LINC00632: variants seen among roughly 807,000 people sequenced by gnomAD.
LINC00632 encodes long independently transcribed non-coding RNA 632.
In LINC00632 at chrX:140,742,684, G is replaced by A. The variant is rs149330296; in HGVS notation, n.191+8720G>A. Among the ~76,000 whole-genome samples, 10 of 110,421 alleles carry A rather than the reference G, an allele frequency of 9.1e-5. No individual in the cohort carries two copies. The East Asian group carries it at 2.3e-3, about 25-fold the overall frequency. On this transcript the variant is annotated intron_variant and non_coding_transcript_variant, in intron 3 of 4. Transcript: ENST00000648200. ...GCAGTGATTCTATATCCTGAGATTT[G>A]TTCATATTCATGTAGGCAGAAAATT...
chrX:140,781,614 C>G (rs1043980152), exon 5 of LINC00632, among the ~76,000 whole-genome samples: 3 of 111,471 alleles, frequency 2.7e-5, no homozygotes, highest in Non-Finnish European at 5.7e-5. Context: ...ATTTTCTCTG[C>G]TTGTTCTCTA....
At chrX:140,732,348 C>T (rs1166798887) in intron 2 of LINC00632, among the ~76,000 whole-genome samples, 1 of 111,919 alleles carries the variant, frequency 8.9e-6, no homozygotes, top group East Asian at 2.8e-4. Context: ...CACAGAAATA[C>T]CGAAGCAGAC....
At chrX:140,777,809 C>T (rs1221446260) in exon 5 of LINC00632, among the ~76,000 whole-genome samples, 3 of 112,265 alleles carry the variant, frequency 2.7e-5, no homozygotes, top group Non-Finnish European at 3.8e-5. Flanking sequence ...TAAAGTCTTT[C>T]TATCTCTGAC....
intron 2 of LINC00632, among the ~76,000 whole-genome samples, chrX:140,729,157 G>A (rs1931014963): frequency 1.8e-5 from 2 of 110,652 alleles, no homozygotes; most frequent in African/African-American, 3.3e-5. Flanking sequence ...CACACAGAGC[G>A]GTCCTATAGT....
intron 3 of LINC00632, among the ~76,000 whole-genome samples, chrX:140,734,871 C>T (rs181268288): frequency 2.1e-4 from 22 of 106,542 alleles, no homozygotes; most frequent in Non-Finnish European, 1.9e-5. Context: ...AAGCAATTCT[C>T]GTGCCTCAGC....
exon 5 of LINC00632, among the ~76,000 whole-genome samples, chrX:140,777,071 A>G (rs111433844): frequency 0.025 from 2,592 of 102,374 alleles, 92 homozygotes; most frequent in African/African-American, 0.088. Flanking sequence ...GTTCTTACTC[A>G]TAAGTGGGAG....
intron 2 of LINC00632, among the ~76,000 whole-genome samples, chrX:140,724,573 A>C (rs1930882022): frequency 1.2e-4 from 1 of 8,080 alleles, no homozygotes; most frequent in East Asian, 3.9e-3. Flanking sequence ...ACAGAGACAC[A>C]TTCCATACAC....
intron 2 of LINC00632, among the ~76,000 whole-genome samples, chrX:140,718,050 C>T (rs59693625): frequency 9.0e-6 from 1 of 110,561 alleles, no homozygotes; most frequent in Admixed American, 9.7e-5. Context: ...GCAGGAGAAT[C>T]GCTTGAACCT....
At chrX:140,719,244 C>A (rs1569347458) in intron 2 of LINC00632, among the ~76,000 whole-genome samples, 1 of 111,620 alleles carries the variant, frequency 9.0e-6, no homozygotes, top group East Asian at 2.8e-4. Flanking sequence ...CACCGACACA[C>A]CCCATATCAC....
chrX:140,787,127 TG>T (rs1932029193), exon 5 of LINC00632, among the ~76,000 whole-genome samples: 1 of 111,166 alleles, frequency 9.0e-6, no homozygotes, highest in African/African-American at 3.3e-5. Context: ...TTCTTGTACA[TG>T]GAATCAAGCT....
At chrX:140,762,462 A>G (rs145810380) in intron 3 of LINC00632, among the ~76,000 whole-genome samples, 1 of 112,381 alleles carries the variant, frequency 8.9e-6, no homozygotes, top group African/African-American at 3.2e-5. Context: ...TTTTCTTTTG[A>G]CTGTGAGAAA....
At position 140,786,828 on chromosome X, in the gene LINC00632, A is replaced by G. The variant is rs191147812; in HGVS notation, n.14847A>G. Among the ~76,000 whole-genome samples the G allele has an allele frequency of 2.0e-3, 228 of 111,763 alleles. 2 individuals carry two copies. Among genetic ancestry groups the G allele is most frequent in the African/African-American group, 7.1e-3 (219 of 30,885 alleles). On this transcript the variant is annotated non_coding_transcript_exon_variant, in exon 5 of 5. Coordinates refer to ENST00000648200, the Ensembl canonical transcript of LINC00632. Reference sequence around the variant, plus strand: ...TAAATGTGCCATGTACCTATGATGGAATATTCTTCCATTAAAATGCTATGG... The same window carrying G: ...TAAATGTGCCATGTACCTATGATGGGATATTCTTCCATTAAAATGCTATGG...
chrX:140,765,975 T>C (rs1025043320), intron 3 of LINC00632, among the ~76,000 whole-genome samples: 1 of 112,247 alleles, frequency 8.9e-6, no homozygotes, highest in Non-Finnish European at 1.9e-5. Context: ...TAAAATCTTT[T>C]GAGGTTTTGG....
chrX:140,763,536 C>G (rs937822012), intron 3 of LINC00632, among the ~76,000 whole-genome samples: 1 of 111,412 alleles, frequency 9.0e-6, no homozygotes, highest in African/African-American at 3.3e-5. Flanking sequence ...CTCTGAGACT[C>G]AATTTTAACT....
intron 3 of LINC00632, among the ~76,000 whole-genome samples, chrX:140,759,141 T>TA (rs1931547095): frequency 9.4e-6 from 1 of 105,933 alleles, no homozygotes; most frequent in Admixed American, 1.0e-4. Flanking sequence ...ATTTTGTATT[T>TA]TTTTTTTTTT....
At chrX:140,746,293 T>C (rs1382683973) in intron 3 of LINC00632, among the ~76,000 whole-genome samples, 3 of 112,113 alleles carry the variant, frequency 2.7e-5, no homozygotes, top group African/African-American at 9.7e-5. Context: ...TTTATTACAG[T>C]CACCATTCTG....
intron 3 of LINC00632, among the ~76,000 whole-genome samples, chrX:140,757,197 G>A (rs1265386892): frequency 1.8e-5 from 2 of 111,765 alleles, no homozygotes; most frequent in African/African-American, 3.3e-5. Context: ...TACTTGGATT[G>A]CCATGATGGG....
intron 3 of LINC00632, among the ~76,000 whole-genome samples, chrX:140,740,115 G>A (rs1364852560): frequency 1.8e-5 from 2 of 111,365 alleles, no homozygotes; most frequent in East Asian, 5.6e-4. Context: ...GAAGAATGGT[G>A]ACATGTGGGG....
chrX:140,742,931 A>T (rs1309820708), intron 3 of LINC00632, among the ~76,000 whole-genome samples: 1 of 107,641 alleles, frequency 9.3e-6, no homozygotes, highest in Admixed American at 1.0e-4. Flanking sequence ...AAGGGAAAAG[A>T]AAAGAAAGTG....
Sources: allele counts gnomAD v4.1 joint callset (sites outside exome capture counted in the v4.1 genomes callset), GRCh38; gene constraint gnomAD v4.1.1; transcripts MANE v1.5; gene names NCBI Gene and HGNC (gene_info 2026-07-23, HGNC 2026-07-21).